RBFOX1: variants seen among roughly 807,000 people sequenced by gnomAD.
RBFOX1 encodes RNA binding protein fox-1 homolog 1.
In RBFOX1, 8 loss-of-function variants were observed where a neutral mutation model predicts 57.7. That is an observed-to-expected ratio of 0.14 (90% CI 0.08 to 0.25). RBFOX1 has a LOEUF of 0.25. Among genes scored for constraint, RBFOX1 ranks in the 10% least tolerant of loss-of-function variants. The probability of loss-of-function intolerance (pLI) is 1.00; values close to 1 mark genes in which losing one functional copy is unlikely to be tolerated. For synonymous variants in RBFOX1, 326 were observed against 222.4 expected (o/e 1.47, Z -4.15); for missense variants, 611 against 548.5 (o/e 1.11, Z -1.14).
At chr16:6,478,418 TATATATATA>T (rs1280184015) in intron 2 of RBFOX1, among the ~76,000 whole-genome samples, 101 of 20,698 alleles carry the variant, frequency 4.9e-3, no homozygotes, top group South Asian at 0.011. Flanking sequence ...TATATATATA[TATATATATA>T]TATTTTTTTT....
intron 4 of RBFOX1, among the ~76,000 whole-genome samples, chr16:5,979,768 A>C (rs2060135582): frequency 6.6e-6 from 1 of 152,212 alleles, no homozygotes; most frequent in Non-Finnish European, 1.5e-5. Context: ...AGGCTGAGTT[A>C]GGAGAATCGC....
rs542643640 is a variant in RBFOX1, at chr16:5,972,034, T to C, written c.351+104699T>C. ...CTTCTTCCTGCCTTCGGACTCAAAC[T>C]GAAGCATGGGCTCTTTCTGGGTCTG... On this transcript the variant is annotated intron_variant, in intron 4 of 19. Transcript: ENST00000641259. 2.0e-5 allele frequency among the ~76,000 whole-genome samples: 3 copies of C among 152,336 alleles called. No individual in the cohort carries two copies. The South Asian group carries it at 6.2e-4, about 32-fold the overall frequency.
At chr16:6,434,862 G>C (rs2094191576) in intron 2 of RBFOX1, among the ~76,000 whole-genome samples, 1 of 152,114 alleles carries the variant, frequency 6.6e-6, no homozygotes, top group African/African-American at 2.4e-5. Context: ...GGCATTTACT[G>C]AGTTATTACT....
chr16:5,378,524 A>G (rs1362780912), intron 1 of RBFOX1, among the ~76,000 whole-genome samples: 1 of 151,480 alleles, frequency 6.6e-6, no homozygotes, highest in African/African-American at 2.5e-5. Context: ...CGTTCTGTGA[A>G]TAGCCTCAGC....
intron 1 of RBFOX1, among the ~76,000 whole-genome samples, chr16:5,442,092 G>T (rs1171428719): frequency 1.3e-5 from 2 of 152,134 alleles, no homozygotes; most frequent in African/African-American, 2.4e-5. Flanking sequence ...GCTAGAAGTA[G>T]GCAGGGAATA....
At chr16:7,676,664 C>T in intron 13 of RBFOX1, 110 bp from the exon 14 acceptor site, 5 of 942,822 alleles carry the variant, frequency 5.3e-6, no homozygotes, top group Non-Finnish European at 8.6e-6. Flanking sequence ...TTAACCTCAA[C>T]TTTAGCTCAG....
intron 3 of RBFOX1, among the ~76,000 whole-genome samples, chr16:5,697,254 T>C (rs1352964079): frequency 2.0e-5 from 3 of 152,142 alleles, no homozygotes; most frequent in Non-Finnish European, 4.4e-5. Context: ...GGTGTTCACG[T>C]CATTTGTCAA....
intron 4 of RBFOX1, among the ~76,000 whole-genome samples, chr16:7,406,585 C>T (rs1361759990): frequency 6.6e-6 from 1 of 152,184 alleles, no homozygotes; most frequent in East Asian, 1.9e-4. Context: ...AAAATACAAA[C>T]TTTCCGGAAT....
chr16:6,851,658 G>C lies in RBFOX1; in HGVS notation c.-16+197008G>C, dbSNP rs780114898. Among the ~76,000 whole-genome samples, 4 of 152,114 alleles carry C rather than the reference G, an allele frequency of 2.6e-5. 1 individual carries two copies. Among genetic ancestry groups the C allele is most frequent in the South Asian group, 4.1e-4 (2 of 4,832 alleles). On this transcript the variant is annotated intron_variant, in intron 3 of 15. Coordinates refer to ENST00000550418, the MANE Select transcript of RBFOX1 (RefSeq NM_018723.4). Reference sequence around the variant, plus strand: ...CTCCTGTTGTCAGGGAAAGAACAAGGCTCTAGGGTCGAGAAGACATGGGTG... The same window carrying C: ...CTCCTGTTGTCAGGGAAAGAACAAGCCTCTAGGGTCGAGAAGACATGGGTG...
At chr16:7,254,750 G>A (rs1028367989) in intron 4 of RBFOX1, among the ~76,000 whole-genome samples, 1 of 152,048 alleles carries the variant, frequency 6.6e-6, no homozygotes, top group Non-Finnish European at 1.5e-5. Context: ...TAGGCATTAC[G>A]TCTCTGAAGC....
At chr16:6,342,373 A>G (rs545401653) in intron 2 of RBFOX1, among the ~76,000 whole-genome samples, 2 of 152,228 alleles carry the variant, frequency 1.3e-5, no homozygotes, top group South Asian at 4.2e-4. Flanking sequence ...ACAAGTAGAA[A>G]CGAAGGATCC....
At chr16:5,500,518 G>A (rs1222923512) in intron 2 of RBFOX1, among the ~76,000 whole-genome samples, 1 of 152,120 alleles carries the variant, frequency 6.6e-6, no homozygotes, top group Non-Finnish European at 1.5e-5. Flanking sequence ...CATCATGCCT[G>A]GCCGAGTATC....
chr16:6,078,138 G>T (rs1039493658), intron 1 of RBFOX1, among the ~76,000 whole-genome samples: 6 of 152,088 alleles, frequency 3.9e-5, no homozygotes, highest in Non-Finnish European at 7.3e-5. Flanking sequence ...TCCTTTCTCA[G>T]TCCCACCACT....
At chr16:6,337,813 G>A (rs551764014) in intron 2 of RBFOX1, among the ~76,000 whole-genome samples, 1 of 152,264 alleles carries the variant, frequency 6.6e-6, no homozygotes, top group African/African-American at 2.4e-5. Context: ...GAATCCTCCT[G>A]CCTCTTCTTG....
At chr16:6,829,799 G>T (rs750589538) in intron 3 of RBFOX1, among the ~76,000 whole-genome samples, 7 of 152,082 alleles carry the variant, frequency 4.6e-5, no homozygotes, top group Non-Finnish European at 7.4e-5. Context: ...ATAGGATTTC[G>T]CCACGTTGGC....
intron 3 of RBFOX1, among the ~76,000 whole-genome samples, chr16:5,682,079 T>G (rs931399634): frequency 6.6e-6 from 1 of 152,244 alleles, no homozygotes; most frequent in Non-Finnish European, 1.5e-5. Context: ...CATTCACTTA[T>G]GTAGGACAGC....
At chr16:5,986,561 C>T (rs753854332) in intron 4 of RBFOX1, among the ~76,000 whole-genome samples, 11 of 152,298 alleles carry the variant, frequency 7.2e-5, no homozygotes, top group Admixed American at 2.6e-4. Flanking sequence ...CCTCCTGTCA[C>T]GTGTTACCAC....
At chr16:6,650,771 C>G (rs1158658563) in intron 2 of RBFOX1, among the ~76,000 whole-genome samples, 5 of 152,192 alleles carry the variant, frequency 3.3e-5, no homozygotes, top group Non-Finnish European at 7.4e-5. Context: ...TAATAAATCA[C>G]CAGCTTCTCA....
chr16:6,009,802 A>ATGTGTGTG (rs753032432), intron 4 of RBFOX1, among the ~76,000 whole-genome samples: 8 of 58,596 alleles, frequency 1.4e-4, no homozygotes, highest in East Asian at 8.8e-4. Flanking sequence ...CAGTGTGTGT[A>ATGTGTGTG]TGTGTGTGTG....
Sources: gnomAD v4.1 joint callset for allele counts (sites outside exome capture counted in the v4.1 genomes callset) on GRCh38, gnomAD v4.1.1 for gene constraint, MANE v1.5 for transcripts, NCBI Gene and HGNC (gene_info 2026-07-23, HGNC 2026-07-21) for gene names.